Variants in STK39 observed in about 807,000 individuals in gnomAD.
STK39 encodes STE20/SPS1-related proline-alanine-rich protein kinase.
In STK39, 20 loss-of-function variants were observed where a neutral mutation model predicts 77.8. That is an observed-to-expected ratio of 0.26 (90% CI 0.18 to 0.37). The LOEUF is 0.37. STK39 is among the 10% of genes least tolerant of loss of function. STK39 has a pLI of 1.00. For synonymous variants in STK39, 246 were observed against 234.1 expected (o/e 1.05, Z -0.47); for missense variants, 479 against 656.5 (o/e 0.73, Z 2.95).
Position 167,954,544 on chromosome 2 carries a change from G to A in STK39, c.*952C>T, listed in dbSNP as rs200572136. On this transcript the variant is annotated 3_prime_UTR_variant, in exon 18 of 18. Coordinates refer to ENST00000355999, the MANE Select transcript of STK39 (RefSeq NM_013233.3). ...ATCACTTAAGGAGAGCCAAATCAGA[G>A]ATGGGTATATAGTTAGCAATCTAAC... 1 of 152,580 alleles carries A rather than the reference G, an allele frequency of 6.6e-6. No individual in the cohort carries two copies. The highest frequency in any genetic ancestry group is 2.4e-5 in the African/African-American group (1 of 41,434). The allele number at this position is 152,580 out of a possible 1,614,324, so 9.5% of individuals were successfully genotyped here.
chr2:168,147,591 TGGGTG>T (rs3835852), intron 5 of STK39, among the ~76,000 whole-genome samples: 26,247 of 152,012 alleles, frequency 0.17, 2,284 homozygotes, highest in South Asian at 0.25. Flanking sequence ...CCGGTACACA[TGGGTG>T]TGCACAATTG....
chr2:168,107,927 A>T (rs568355671), intron 10 of STK39, among the ~76,000 whole-genome samples: 10 of 152,356 alleles, frequency 6.6e-5, no homozygotes, highest in Non-Finnish European at 1.5e-4. Flanking sequence ...GCATTTACCG[A>T]GGAATCCAGT....
chr2:168,023,032 A>C (rs1009486564), intron 14 of STK39, among the ~76,000 whole-genome samples: 102 of 152,116 alleles, frequency 6.7e-4, no homozygotes, highest in Non-Finnish European at 1.2e-3. Flanking sequence ...CTCCTTCCTC[A>C]GCCTCCTGAG....
intron 13 of STK39, 152 bp downstream of exon 13, chr2:168,065,167 G>T: frequency 1.4e-6 from 1 of 709,860 alleles, no homozygotes; most frequent in East Asian, 2.7e-5. Context: ...GTCCCACAAA[G>T]CACAGTCAAT....
intron 12 of STK39, among the ~76,000 whole-genome samples, chr2:168,072,708 T>G (rs988169567): frequency 6.6e-6 from 1 of 152,218 alleles, no homozygotes; most frequent in Non-Finnish European, 1.5e-5. Context: ...TCCTTTATAA[T>G]AGATAAATAA....
intron 14 of STK39, among the ~76,000 whole-genome samples, chr2:168,017,929 T>C (rs1211972020): frequency 1.3e-5 from 2 of 152,076 alleles, no homozygotes; most frequent in African/African-American, 4.8e-5. Context: ...TTTTGCAACA[T>C]TTTGCCCCAT....
chr2:168,080,422 G>A (rs1686197713), intron 10 of STK39, among the ~76,000 whole-genome samples: 1 of 152,138 alleles, frequency 6.6e-6, no homozygotes, highest in Non-Finnish European at 1.5e-5. Flanking sequence ...AAGGTCAGGA[G>A]ACTGAGACCA....
At chr2:168,167,523 G>T in intron 2 of STK39, 116 bp from the exon 3 acceptor site, 1 of 795,740 alleles carries the variant, frequency 1.3e-6, no homozygotes, top group Non-Finnish European at 2.1e-6. Flanking sequence ...CTACCTGAGG[G>T]GCTGCCTAAG....
intron 12 of STK39, among the ~76,000 whole-genome samples, chr2:168,073,853 C>T (rs541289388): frequency 4.6e-5 from 7 of 152,016 alleles, no homozygotes; most frequent in Non-Finnish European, 1.0e-4. Context: ...CCTGACCTCA[C>T]GTGATCCACC....
rs190599434 is a variant in STK39, at chr2:167,962,520, G to C, written c.1563+2142C>G. ...CGTTAACCATCTTTATCTTTGGGGA[G>C]AATAAGCCATCAATTTCCATTTACT... On this transcript the variant is annotated intron_variant, in intron 17 of 17. Coordinates refer to ENST00000355999, the MANE Select transcript of STK39 (RefSeq NM_013233.3). Among the ~76,000 whole-genome samples the C allele has an allele frequency of 7.3e-4, 111 of 152,266 alleles. 1 individual carries two copies. Among genetic ancestry groups the C allele is most frequent in the African/African-American group, 2.4e-3 (98 of 41,558 alleles).
intron 10 of STK39, among the ~76,000 whole-genome samples, chr2:168,091,636 A>G (rs1686527714): frequency 6.6e-6 from 1 of 152,198 alleles, no homozygotes; most frequent in African/African-American, 2.4e-5. Context: ...ATGAGAGAAA[A>G]ACAGACCTTC....
At chr2:168,086,911 G>C (rs1686382616) in intron 10 of STK39, among the ~76,000 whole-genome samples, 1 of 152,172 alleles carries the variant, frequency 6.6e-6, no homozygotes, top group Admixed American at 6.5e-5. Context: ...CTCCAATATG[G>C]CATTTCCCCA....
At chr2:168,018,831 T>G (rs1278176222) in intron 14 of STK39, among the ~76,000 whole-genome samples, 1 of 152,120 alleles carries the variant, frequency 6.6e-6, no homozygotes, top group Non-Finnish European at 1.5e-5. Context: ...TTTGGTTCTT[T>G]ATGTCCTACC....
chr2:168,132,534 C>T (rs959105265), intron 8 of STK39, among the ~76,000 whole-genome samples: 1 of 152,194 alleles, frequency 6.6e-6, no homozygotes, highest in African/African-American at 2.4e-5. Context: ...TCAACTGCAA[C>T]GATGTTCTCA....
chr2:168,053,280 C>T (rs1342436916), intron 14 of STK39, among the ~76,000 whole-genome samples: 3 of 151,908 alleles, frequency 2.0e-5, no homozygotes, highest in Non-Finnish European at 2.9e-5. Flanking sequence ...TTGTATTCAT[C>T]GATATGAAAA....
At chr2:168,182,360 C>A (rs1689102601) in intron 1 of STK39, among the ~76,000 whole-genome samples, 1 of 152,056 alleles carries the variant, frequency 6.6e-6, no homozygotes, top group Middle Eastern at 3.2e-3. Flanking sequence ...GCATGAAAGC[C>A]ATTTCCATCC....
At chr2:167,960,571 G>A (rs1275703501) in intron 17 of STK39, among the ~76,000 whole-genome samples, 5 of 152,158 alleles carry the variant, frequency 3.3e-5, no homozygotes, top group Admixed American at 6.5e-5. Flanking sequence ...ATGTGACAGC[G>A]TATGACATCA....
intron 17 of STK39, among the ~76,000 whole-genome samples, chr2:167,961,935 C>A (rs1448777773): frequency 2.6e-5 from 4 of 152,194 alleles, no homozygotes; most frequent in African/African-American, 4.8e-5. Context: ...ACAGTGGAGG[C>A]TGCAGACTCA....
intron 1 of STK39, among the ~76,000 whole-genome samples, chr2:168,221,802 C>A (rs1309688745): frequency 6.6e-6 from 1 of 151,884 alleles, no homozygotes. Flanking sequence ...CTCACCGGGG[C>A]GCAACAAAGA....
Sources: gnomAD v4.1 joint callset for allele counts (sites outside exome capture counted in the v4.1 genomes callset) on GRCh38, gnomAD v4.1.1 for gene constraint, MANE v1.5 for transcripts, NCBI Gene and HGNC (gene_info 2026-07-23, HGNC 2026-07-21) for gene names.